Variants in CCDC63 observed in about 807,000 individuals in gnomAD.
CCDC63 encodes coiled-coil domain containing 63.
In CCDC63, 54 loss-of-function variants were observed where a neutral mutation model predicts 63.6. The ratio of observed to expected loss-of-function variants is 0.85; its 90% CI spans 0.68 to 1.07. CCDC63 has a LOEUF of 1.07. Among genes scored for constraint, CCDC63 ranks in the 50% least tolerant of loss-of-function variants. The pLI is 0.00. For synonymous variants in CCDC63, 253 were observed against 266.1 expected (o/e 0.95, Z 0.48); for missense variants, 637 against 689.6 (o/e 0.92, Z 0.86).
At chr12:110,849,897 A>G (rs1358002193) in intron 1 of CCDC63, among the ~76,000 whole-genome samples, 1 of 152,170 alleles carries the variant, frequency 6.6e-6, no homozygotes, top group East Asian at 1.9e-4. Context: ...CCAATCATTG[A>G]CAAAGGGAAG....
intron 1 of CCDC63, among the ~76,000 whole-genome samples, chr12:110,847,630 A>C (rs2070655959): frequency 6.6e-6 from 1 of 152,128 alleles, no homozygotes. Flanking sequence ...AACAAAAAAC[A>C]AAACAAACAA....
chr12:110,871,032 C>T (rs2071058784), intron 4 of CCDC63, among the ~76,000 whole-genome samples: 2 of 152,200 alleles, frequency 1.3e-5, no homozygotes, highest in South Asian at 4.1e-4. Context: ...AGTGGCTTTG[C>T]CTCAGTTTCC....
intron 9 of CCDC63, among the ~76,000 whole-genome samples, chr12:110,898,143 A>G (rs973074659): frequency 6.6e-6 from 1 of 151,650 alleles, no homozygotes; most frequent in African/African-American, 2.4e-5. Context: ...TTAGCTGGGC[A>G]TGGTGGCGTC....
chr12:110,868,433 C>CT (rs932439486), intron 4 of CCDC63, among the ~76,000 whole-genome samples: 5 of 150,764 alleles, frequency 3.3e-5, no homozygotes, highest in African/African-American at 1.2e-4. Flanking sequence ...GCACTCCAGT[C>CT]TGGGCACCAT....
At chr12:110,894,249 A>T (rs1210429433) in intron 9 of CCDC63, among the ~76,000 whole-genome samples, 4 of 152,180 alleles carry the variant, frequency 2.6e-5, no homozygotes, top group Non-Finnish European at 5.9e-5. Context: ...AGACAGCTTA[A>T]AAGTGCCTTC....
At chr12:110,871,681 G>C (rs2071071156) in intron 4 of CCDC63, among the ~76,000 whole-genome samples, 1 of 151,670 alleles carries the variant, frequency 6.6e-6, no homozygotes, top group African/African-American at 2.4e-5. Context: ...CGCGTCTTAA[G>C]GATACAGCTC....
chr12:110,905,918 TATATAATATATATTATATAAA>T (rs2071560847), intron 11 of CCDC63, among the ~76,000 whole-genome samples: 1 of 9,792 alleles, frequency 1.0e-4, no homozygotes, highest in African/African-American at 4.5e-4. Context: ...TATTATATTA[TATATAATATATATTATATAAA>T]ATATATATTA....
intron 8 of CCDC63, 33 bp downstream of exon 8, chr12:110,884,283 C>A (rs867513488): frequency 1.9e-6 from 3 of 1,553,260 alleles, no homozygotes; most frequent in African/African-American, 1.4e-5. Context: ...AGGCCCTGGG[C>A]CCCTGTGTCC....
At chr12:110,892,202 A>T (rs1031864974) in intron 8 of CCDC63, among the ~76,000 whole-genome samples, 1 of 152,220 alleles carries the variant, frequency 6.6e-6, no homozygotes, top group African/African-American at 2.4e-5. Flanking sequence ...ACACTCTTCA[A>T]TACCATAGCC....
intron 10 of CCDC63, 66 bp downstream of exon 10, chr12:110,899,191 A>C: frequency 7.0e-7 from 1 of 1,428,666 alleles, no homozygotes; most frequent in South Asian, 1.3e-5. Context: ...GACTGAGCAT[A>C]AGGCCTTGCT....
chr12:110,862,400 C>G (rs1003717170), intron 4 of CCDC63, among the ~76,000 whole-genome samples: 3 of 152,202 alleles, frequency 2.0e-5, no homozygotes, highest in African/African-American at 7.2e-5. Flanking sequence ...TGGCCTTCCT[C>G]GCAAAATAGT....
At chr12:110,851,749 C>T (rs1006182465) in intron 1 of CCDC63, among the ~76,000 whole-genome samples, 1 of 152,164 alleles carries the variant, frequency 6.6e-6, no homozygotes, top group African/African-American at 2.4e-5. Flanking sequence ...CCATATCCTG[C>T]CATATCATCC....
At chr12:110,893,016 T>G (rs2071376264) in intron 8 of CCDC63, 60 bp from the exon 9 acceptor site, 1 of 1,329,104 alleles carries the variant, frequency 7.5e-7, no homozygotes, top group Non-Finnish European at 1.1e-6. Flanking sequence ...CACTTATTTT[T>G]GGGAGCAGTG....
chr12:110,863,605 A>C (rs1354033527), intron 4 of CCDC63, among the ~76,000 whole-genome samples: 1 of 151,040 alleles, frequency 6.6e-6, no homozygotes, highest in Non-Finnish European at 1.5e-5. Flanking sequence ...CAGTGGCACA[A>C]TCTCGGCTCA....
At chr12:110,890,209 T>C (rs2071338732) in intron 8 of CCDC63, among the ~76,000 whole-genome samples, 1 of 151,428 alleles carries the variant, frequency 6.6e-6, no homozygotes, top group Admixed American at 6.6e-5. Flanking sequence ...AAGGCTGAAG[T>C]GGGAGGATTG....
At position 110,893,112 on chromosome 12, in the gene CCDC63, T is replaced by C; in HGVS notation, c.1111T>C (p.Ser371Pro). The C allele has an allele frequency of 1.2e-6, 2 of 1,614,060 alleles. No homozygotes were observed. Among genetic ancestry groups the C allele is most frequent in the Non-Finnish European group, 1.7e-6 (2 of 1,179,996 alleles). The change falls in exon 9 of 12, where the codon TCC becomes CCC. Residue 371 changes from serine to proline, a missense_variant. Physicochemically the swap from Ser to Pro is moderately conservative, Grantham distance 74 (BLOSUM62 -1). Coordinates refer to ENST00000308208, the MANE Select transcript of CCDC63 (RefSeq NM_152591.3). ...CCTCTTGCGATCCCAGCAGAAATTG[T>C]CCCACGATGACAACCACTCTGTCCT... The part of the protein sequence containing the change: ...IILLRSQQKL[S>P]HDDNHSVLRQ...
At chr12:110,891,525 T>C (rs1025662717) in intron 8 of CCDC63, among the ~76,000 whole-genome samples, 11 of 146,480 alleles carry the variant, frequency 7.5e-5, no homozygotes, top group African/African-American at 2.8e-4. Flanking sequence ...CATGTGCCTG[T>C]GGTCCCAACT....
intron 6 of CCDC63, 77 bp from the exon 7 acceptor site, chr12:110,881,038 G>C: frequency 1.1e-5 from 14 of 1,318,724 alleles, no homozygotes; most frequent in Non-Finnish European, 1.4e-5. Flanking sequence ...AGGCAGGAAG[G>C]CCTTCTGGAC....
At position 110,907,303 on chromosome 12, in the gene CCDC63, A is replaced by G. The variant is rs538789165; in HGVS notation, c.1547-28A>G. The G allele has an allele frequency of 3.1e-6, 5 of 1,606,692 alleles. No homozygotes were observed. Among genetic ancestry groups the G allele is most frequent in the African/African-American group, 1.3e-5 (1 of 74,910 alleles). On this transcript the variant is annotated intron_variant, in intron 11 of 11. Coordinates refer to ENST00000308208, the MANE Select transcript of CCDC63 (RefSeq NM_152591.3). The surrounding 1 kb of genome is among the most constrained non-coding windows in gnomAD (Gnocchi z 4.4). ...CCAGCCCTGGGGTTGATTTCCCAGC[A>G]CCTCACACAAATCTGATCTTGGTGC...
Sources: allele counts gnomAD v4.1 joint callset (sites outside exome capture counted in the v4.1 genomes callset), GRCh38; gene constraint gnomAD v4.1.1; non-coding constraint Gnocchi (gnomAD v3.1); transcripts MANE v1.5; gene names NCBI Gene and HGNC (gene_info 2026-07-23, HGNC 2026-07-21).